The following NCOA1 variants were observed in gnomAD, a reference collection of about 807,000 sequenced individuals.
The protein encoded by NCOA1 is nuclear receptor coactivator 1, also known as Hin-2 protein.
Under a neutral mutation model 150.9 loss-of-function variants are expected in NCOA1, and 35 were observed. That is an observed-to-expected ratio of 0.23 (90% CI 0.18 to 0.31). NCOA1 has a LOEUF of 0.31. Ranked by LOEUF, NCOA1 falls within the 10% of genes least tolerant of loss-of-function variation. NCOA1 has a pLI of 1.00. For missense variants in NCOA1, 1,491 were observed against 1,749.3 expected, an observed-to-expected ratio of 0.85 and a Z score of 2.63; for synonymous variants, 590 against 630.0, an observed-to-expected ratio of 0.94 and a Z score of 0.95.
intron 3 of NCOA1, among the ~76,000 whole-genome samples, chr2:24,629,839 TATATATATGTA>T (rs1669618056): frequency 7.1e-6 from 1 of 141,480 alleles, no homozygotes; most frequent in African/African-American, 2.6e-5. Context: ...TATATATATA[TATATATATGTA>T]TTTTTTTTTT....
intron 14 of NCOA1, among the ~76,000 whole-genome samples, chr2:24,717,607 C>T (rs1251890845): frequency 2.6e-5 from 4 of 151,706 alleles, no homozygotes; most frequent in African/African-American, 4.8e-5. Context: ...GACATATACA[C>T]ATATATATAT....
chr2:24,661,195 A>C (rs968388921), intron 5 of NCOA1, among the ~76,000 whole-genome samples: 1 of 152,126 alleles, frequency 6.6e-6, no homozygotes, highest in African/African-American at 2.4e-5. Context: ...TTCTCTTCTC[A>C]TGTTAACACT....
Position 24,725,996 on chromosome 2 carries a change from C to T in NCOA1, c.2600-593C>T, listed in dbSNP as rs887613718. On this transcript the variant is annotated intron_variant, in intron 14 of 22. Transcript: ENST00000348332. ...CAAAAAAGCGTTACAGAAAAACGTT[C>T]TAAAATGCATATACTATTTTCTTCA... 4.6e-5 allele frequency among the ~76,000 whole-genome samples: 7 copies of T among 152,044 alleles called. 1 individual carries two copies. The highest frequency in any genetic ancestry group is 4.6e-4 in the Admixed American group (7 of 15,262).
At chr2:24,723,527 C>G (rs1384496321) in intron 14 of NCOA1, among the ~76,000 whole-genome samples, 3 of 152,202 alleles carry the variant, frequency 2.0e-5, no homozygotes, top group Admixed American at 1.3e-4. Flanking sequence ...TACACCCTAA[C>G]TGATAATGTT....
intron 4 of NCOA1, among the ~76,000 whole-genome samples, chr2:24,646,379 C>A (rs1392250116): frequency 6.6e-6 from 1 of 152,164 alleles, no homozygotes; most frequent in African/African-American, 2.4e-5. Flanking sequence ...TACTTAACCA[C>A]AATATAATAA....
At chr2:24,724,982 A>C (rs1406757594) in intron 14 of NCOA1, among the ~76,000 whole-genome samples, 2 of 152,102 alleles carry the variant, frequency 1.3e-5, no homozygotes, top group African/African-American at 4.8e-5. Context: ...GTCATGATAG[A>C]GATGAGGTTA....
chr2:24,546,946 T>C (rs11125662), intron 1 of NCOA1, among the ~76,000 whole-genome samples: 37,137 of 152,202 alleles, frequency 0.24, 5,062 homozygotes, highest in Non-Finnish European at 0.31. Context: ...TCTGGGTTCC[T>C]GCAGTTTCAG....
At chr2:24,535,763 T>C (rs137925930) in intron 1 of NCOA1, among the ~76,000 whole-genome samples, 4,183 of 152,318 alleles carry the variant, frequency 0.027, 79 homozygotes, top group Non-Finnish European at 0.041. Flanking sequence ...TCTTTAAGAA[T>C]GTTGAATATT....
Position 24,697,629 on chromosome 2 carries a change from A to G in NCOA1, c.809-29A>G, listed in dbSNP as rs374804689. On this transcript the variant is annotated intron_variant, in intron 10 of 22. Transcript: ENST00000348332. ...AGATGATTTATATAAAGAGGCTGTTATAAATATAAACTTTCATTCTTTGTA... is the reference window on the plus strand; with the variant it reads ...AGATGATTTATATAAAGAGGCTGTTGTAAATATAAACTTTCATTCTTTGTA... 83 of 1,569,302 alleles carry G rather than the reference A, an allele frequency of 5.3e-5. 1 individual carries two copies. In the Admixed American group the frequency reaches 5.5e-4, roughly 10 times the overall value.
At chr2:24,766,136 G>A (rs1665053920) in intron 22 of NCOA1, among the ~76,000 whole-genome samples, 1 of 152,100 alleles carries the variant, frequency 6.6e-6, no homozygotes, top group Non-Finnish European at 1.5e-5. Flanking sequence ...CTAGCATCAA[G>A]TGATCCTCCT....
At chr2:24,735,755 G>A (rs1423979478) in intron 17 of NCOA1, among the ~76,000 whole-genome samples, 1 of 152,170 alleles carries the variant, frequency 6.6e-6, no homozygotes, top group Non-Finnish European at 1.5e-5. Context: ...GAAGGAAGGA[G>A]CTGATGATTA....
At chr2:24,506,983 A>G (rs1194526423) in intron 1 of NCOA1, among the ~76,000 whole-genome samples, 1 of 152,218 alleles carries the variant, frequency 6.6e-6, no homozygotes, top group Non-Finnish European at 1.5e-5. Context: ...GAAATTTAGC[A>G]CTTCTCTTGT....
In NCOA1 at chr2:24,667,175, T is replaced by G. The variant is rs530167486; in HGVS notation, c.256+1260T>G. Among the ~76,000 whole-genome samples, 8 of 152,310 alleles carry G rather than the reference T, an allele frequency of 5.3e-5. No individual in the cohort carries two copies. In the South Asian group the frequency reaches 8.3e-4, roughly 16 times the overall value. On this transcript the variant is annotated intron_variant, in intron 6 of 22. Transcript: ENST00000348332. ...ACAGATAGTCTAGTGACAACTGATT[T>G]AGCAAACAGGAGAAACCGTACTGTA...
chr2:24,629,721 A>T (rs991063133), intron 3 of NCOA1, among the ~76,000 whole-genome samples: 13 of 148,706 alleles, frequency 8.7e-5, no homozygotes, highest in African/African-American at 3.2e-4. Context: ...GTAGAAGACA[A>T]ATTAAATTAA....
At chr2:24,592,497 C>G (rs967339234) in intron 3 of NCOA1, among the ~76,000 whole-genome samples, 1 of 151,646 alleles carries the variant, frequency 6.6e-6, no homozygotes, top group African/African-American at 2.4e-5. Flanking sequence ...GCCCAGCCAT[C>G]AACCTACTCC....
Position 24,706,619 on chromosome 2 carries a change from T to A in NCOA1, c.1149T>A (p.Ile383=). 1 of 1,614,106 alleles carries A rather than the reference T, an allele frequency of 6.2e-7. No individual in the cohort carries two copies. The highest frequency in any genetic ancestry group is 2.2e-5 in the East Asian group (1 of 44,884). ...PQDDTNSGMS[I]PRVNPSVNPS... is the part of the protein sequence containing the mutation. ...ATGACACTAATTCTGGAATGTCAAT[T>A]CCCCGAGTAAATCCCTCGGTCAATC... Residue 383 remains isoleucine (I), a synonymous_variant, in exon 13 of 23, where the codon ATT becomes ATA. Transcript: ENST00000348332.
chr2:24,623,348 C>T (rs1669262053), intron 3 of NCOA1, among the ~76,000 whole-genome samples: 2 of 152,158 alleles, frequency 1.3e-5, no homozygotes, highest in African/African-American at 4.8e-5. Context: ...ATTGGTGAGA[C>T]AGCCCAGCTT....
At chr2:24,671,564 G>A (rs1380255949) in intron 6 of NCOA1, among the ~76,000 whole-genome samples, 2 of 152,106 alleles carry the variant, frequency 1.3e-5, no homozygotes, top group Non-Finnish European at 2.9e-5. Flanking sequence ...AATTGATCCT[G>A]TCATGTACTT....
chr2:24,573,677 A>G (rs1398454697), intron 2 of NCOA1, among the ~76,000 whole-genome samples: 1 of 152,140 alleles, frequency 6.6e-6, no homozygotes, highest in Non-Finnish European at 1.5e-5. Context: ...ACCACAAAGG[A>G]AAATCTCAGT....
Sources: allele counts gnomAD v4.1 joint callset (sites outside exome capture counted in the v4.1 genomes callset), GRCh38; gene constraint gnomAD v4.1.1; transcripts MANE v1.5; gene names NCBI Gene and HGNC (gene_info 2026-07-23, HGNC 2026-07-21).